The following PEAK1 variants were observed in gnomAD, a reference collection of about 807,000 sequenced individuals.
PEAK1 encodes pseudopodium enriched atypical kinase 1, also known as inactive tyrosine-protein kinase PEAK1.
A neutral mutation model predicts 124.7 loss-of-function variants in PEAK1; 54 were observed. The ratio of observed to expected loss-of-function variants is 0.43; its 90% CI spans 0.35 to 0.54. The LOEUF is 0.54. PEAK1 is among the 20% of genes least tolerant of loss of function. PEAK1 has a pLI of 0.01. For missense variants in PEAK1, 2,046 were observed against 2,134.5 expected, an observed-to-expected ratio of 0.96 and a Z score of 0.82; for synonymous variants, 719 against 760.0, an observed-to-expected ratio of 0.95 and a Z score of 0.89.
intron 2 of PEAK1, among the ~76,000 whole-genome samples, chr15:77,320,957 G>C (rs960963962): frequency 1.4e-4 from 21 of 152,100 alleles, no homozygotes; most frequent in African/African-American, 4.8e-4. Flanking sequence ...ATGGTTTCCA[G>C]CTTTATCCAT....
chr15:77,382,424 T>A (rs1227086640), intron 1 of PEAK1, among the ~76,000 whole-genome samples: 1 of 152,216 alleles, frequency 6.6e-6, no homozygotes, highest in Non-Finnish European at 1.5e-5. Flanking sequence ...TCACCTTGTC[T>A]GATACTCTTT....
At chr15:77,386,813 C>T (rs1399961887) in intron 1 of PEAK1, among the ~76,000 whole-genome samples, 1 of 152,184 alleles carries the variant, frequency 6.6e-6, no homozygotes, top group Non-Finnish European at 1.5e-5. Context: ...TAGATTCCTA[C>T]TGAACTGCAA....
intron 1 of PEAK1, among the ~76,000 whole-genome samples, chr15:77,396,002 C>A (rs2070853700): frequency 6.6e-6 from 1 of 152,076 alleles, no homozygotes; most frequent in African/African-American, 2.4e-5. Context: ...AAAATAATAA[C>A]TATAACTTTT....
chr15:77,199,753 G>A (rs762026344), intron 6 of PEAK1, among the ~76,000 whole-genome samples: 10 of 152,166 alleles, frequency 6.6e-5, no homozygotes, highest in East Asian at 1.9e-4. Context: ...AAGAATTTAC[G>A]GAAGATGACT....
At chr15:77,171,058 A>C (rs1258483546) in intron 7 of PEAK1, among the ~76,000 whole-genome samples, 23 of 152,216 alleles carry the variant, frequency 1.5e-4, no homozygotes, top group Admixed American at 8.5e-4. Flanking sequence ...CTAGTGTCCC[A>C]TCTTCTAACC....
chr15:77,229,793 G>A (rs1012007633), intron 6 of PEAK1, among the ~76,000 whole-genome samples: 2 of 151,800 alleles, frequency 1.3e-5, no homozygotes. Context: ...GATTACAGGC[G>A]TCCACCACCA....
chr15:77,218,378 G>A (rs2059237256), intron 6 of PEAK1, among the ~76,000 whole-genome samples: 1 of 151,640 alleles, frequency 6.6e-6, no homozygotes. Context: ...CGCATTTATT[G>A]AAATAATCAT....
At chr15:77,363,075 C>T (rs1186760845) in intron 2 of PEAK1, among the ~76,000 whole-genome samples, 7 of 152,216 alleles carry the variant, frequency 4.6e-5, no homozygotes, top group South Asian at 4.1e-4. Flanking sequence ...GGGCTGGTCT[C>T]GAACTCCTTA....
chr15:77,245,802 A>G (rs561323004), intron 6 of PEAK1, among the ~76,000 whole-genome samples: 147 of 152,244 alleles, frequency 9.7e-4, no homozygotes, highest in African/African-American at 3.3e-3. Flanking sequence ...CTATTTCTGG[A>G]CTATTTATTC....
At chr15:77,397,149 C>A (rs1046917686) in intron 1 of PEAK1, among the ~76,000 whole-genome samples, 6 of 152,030 alleles carry the variant, frequency 3.9e-5, no homozygotes, top group Admixed American at 3.9e-4. Flanking sequence ...AAATCAATAA[C>A]AAGAGGAATT....
intron 2 of PEAK1, among the ~76,000 whole-genome samples, chr15:77,305,660 C>T (rs993351279): frequency 6.6e-6 from 1 of 152,072 alleles, no homozygotes; most frequent in Non-Finnish European, 1.5e-5. Flanking sequence ...GTACAGTCTC[C>T]GTGCTATAGT....
At chr15:77,121,562 G>A (rs560836203) in intron 9 of PEAK1, among the ~76,000 whole-genome samples, 2 of 152,106 alleles carry the variant, frequency 1.3e-5, no homozygotes, top group African/African-American at 4.8e-5. Flanking sequence ...GCTGCCCTGG[G>A]GGCTTGCTGA....
intron 1 of PEAK1, among the ~76,000 whole-genome samples, chr15:77,386,494 G>A (rs112958965): frequency 1.3e-3 from 193 of 152,176 alleles, no homozygotes; most frequent in African/African-American, 4.6e-3. Flanking sequence ...ATTACAATCA[G>A]AGGGAAAAAA....
chr15:77,359,413 C>G (rs1385261927), intron 2 of PEAK1, among the ~76,000 whole-genome samples: 1 of 150,928 alleles, frequency 6.6e-6, no homozygotes, highest in Non-Finnish European at 1.5e-5. Flanking sequence ...ACACTCCAGC[C>G]TGGGCAACAG....
chr15:77,239,074 T>C (rs1043463945), intron 6 of PEAK1, among the ~76,000 whole-genome samples: 7 of 152,214 alleles, frequency 4.6e-5, no homozygotes, highest in South Asian at 2.1e-4. Context: ...AGGATTATTT[T>C]TAGGAATGTG....
chr15:77,178,656 TAA>T, intron 7 of PEAK1, 132 bp downstream of exon 7: 1 of 841,656 alleles, frequency 1.2e-6, no homozygotes, highest in Non-Finnish European at 1.8e-6. Context: ...AATGCAGTTA[TAA>T]AGATAGATGA....
At chr15:77,195,623 AT>A in intron 6 of PEAK1, among the ~76,000 whole-genome samples, 1 of 152,262 alleles carries the variant, frequency 6.6e-6, no homozygotes, top group Middle Eastern at 3.4e-3. Flanking sequence ...CCTTAGATGC[AT>A]GCTGAATTCC....
chr15:77,193,139 A>G (rs950622389), intron 6 of PEAK1, among the ~76,000 whole-genome samples: 2 of 152,236 alleles, frequency 1.3e-5, no homozygotes, highest in Non-Finnish European at 2.9e-5. Flanking sequence ...AGACAAATGA[A>G]GTTGGAGTCA....
At chr15:77,256,392 T>C (rs918751217) in intron 5 of PEAK1, among the ~76,000 whole-genome samples, 2 of 151,328 alleles carry the variant, frequency 1.3e-5, no homozygotes, top group African/African-American at 4.9e-5. Context: ...AACTTAATAG[T>C]AGCGAATAGT....
Sources: allele counts gnomAD v4.1 joint callset (sites outside exome capture counted in the v4.1 genomes callset), GRCh38; gene constraint gnomAD v4.1.1; transcripts MANE v1.5; gene names NCBI Gene and HGNC (gene_info 2026-07-23, HGNC 2026-07-21).